The following USP34 variants were observed in gnomAD, a reference collection of about 807,000 sequenced individuals.
The protein encoded by USP34 is ubiquitin specific peptidase 34.
In USP34, 70 loss-of-function variants were observed where a neutral mutation model predicts 460.3. The observed-to-expected ratio is 0.15, with a 90% confidence interval of 0.13 to 0.19. The LOEUF is 0.19. USP34 is among the 10% of genes least tolerant of loss of function. The pLI, the probability that USP34 is intolerant of heterozygous loss-of-function variation, is 1.00. For missense variants in USP34, 3,985 were observed against 4,236.2 expected (o/e 0.94, Z 1.65); for synonymous variants, 1,647 against 1,405.3 (o/e 1.17, Z -3.85).
At chr2:61,465,414 T>C (rs1441557630) in intron 1 of USP34, among the ~76,000 whole-genome samples, 1 of 152,220 alleles carries the variant, frequency 6.6e-6, no homozygotes, top group Non-Finnish European at 1.5e-5. Flanking sequence ...CTGTTCATAA[T>C]CTGTTACTTT....
At chr2:61,373,617 C>G (rs1464901532) in intron 8 of USP34, among the ~76,000 whole-genome samples, 2 of 152,068 alleles carry the variant, frequency 1.3e-5, no homozygotes, top group Non-Finnish European at 2.9e-5. Context: ...CAAAAGAATT[C>G]CTGAAATACA....
At chr2:61,349,711 G>C (rs1691887432) in intron 12 of USP34, among the ~76,000 whole-genome samples, 1 of 151,872 alleles carries the variant, frequency 6.6e-6, no homozygotes, top group Admixed American at 6.6e-5. Context: ...CGTGGTGGCG[G>C]GCACCTGTAG....
intron 43 of USP34, among the ~76,000 whole-genome samples, chr2:61,262,178 TCTC>T (rs776563552): frequency 9.1e-5 from 13 of 142,630 alleles, no homozygotes; most frequent in East Asian, 6.1e-4. Context: ...TGTACACAGG[TCTC>T]CTTTTTTTTT....
At chr2:61,388,267 G>T (rs1026872152) in intron 5 of USP34, among the ~76,000 whole-genome samples, 1 of 151,826 alleles carries the variant, frequency 6.6e-6, no homozygotes, top group Non-Finnish European at 1.5e-5. Context: ...ATCACAATGA[G>T]CTACTACTAT....
In USP34 at chr2:61,246,485, G is replaced by T; in HGVS notation, c.6395-8C>A. The T allele has an allele frequency of 6.6e-7, 1 of 1,511,356 alleles. No individual in the cohort carries two copies. The highest frequency in any genetic ancestry group is 8.9e-7 in the Non-Finnish European group (1 of 1,124,930). 93.6% of individuals were successfully genotyped at this position (1,511,356 alleles called of 1,614,324 possible). A position where few individuals can be genotyped will look rare whatever the true frequency, so the allele number is the denominator to read the frequency against. The stretch of plus-strand genomic sequence containing the variant: ...CACTGACTTCTTTAAAACCTGAAAT[G>T]ATTTACACAGAATGGAAATAATTTT... On this transcript the variant is annotated splice_region_variant and splice_polypyrimidine_tract_variant and intron_variant, in intron 49 of 79. Coordinates refer to ENST00000398571, the MANE Select transcript of USP34 (RefSeq NM_014709.4).
At chr2:61,240,549 A>AT (rs1688223757) in intron 53 of USP34, among the ~76,000 whole-genome samples, 1 of 151,578 alleles carries the variant, frequency 6.6e-6, no homozygotes. Flanking sequence ...AAGTGCTGGG[A>AT]TTACAGGCAT....
intron 59 of USP34, 68 bp downstream of exon 59, chr2:61,229,480 A>C (rs1208709109): frequency 3.3e-5 from 26 of 780,596 alleles, no homozygotes; most frequent in East Asian, 3.2e-4. Context: ...AAAAAACAAA[A>C]AAAAAAAACA....
chr2:61,459,066 G>A (rs566268882), intron 1 of USP34, among the ~76,000 whole-genome samples: 47 of 152,104 alleles, frequency 3.1e-4, no homozygotes, highest in African/African-American at 9.6e-4. Flanking sequence ...ACTCCATCTC[G>A]GGAAAAAATA....
At position 61,470,984 on chromosome 2, in the gene USP34, G is replaced by A. The variant is rs1322101014; in HGVS notation, c.-292C>T. On this transcript the variant is annotated 5_prime_UTR_variant, in exon 1 of 80. Transcript: ENST00000398571. ...GGGAAGGACGGGGGGAGGGGAGAGG[G>A]GGGGAGGGGGCGGGTGGGGAGAGAA... 2.8e-5 allele frequency among the ~76,000 whole-genome samples: 4 copies of A among 143,290 alleles called. No homozygotes were observed. Among genetic ancestry groups the A allele is most frequent in the Non-Finnish European group, 6.3e-5 (4 of 63,884 alleles). The allele number at this position is 143,290 out of a possible 152,430, so 94.0% of individuals were successfully genotyped here. A position where few individuals can be genotyped will look rare whatever the true frequency, so the allele number is the denominator to read the frequency against.
In USP34 at chr2:61,349,243, A is replaced by T. The variant is rs1177938424; in HGVS notation, c.1543+7T>A. 1.2e-6 allele frequency: 2 copies of T among 1,611,092 alleles called. No homozygotes were observed. On this transcript the variant is annotated splice_region_variant and intron_variant, in intron 13 of 79. Transcript: ENST00000398571. ...ATGTTGCCATGAATTTCTAAGGCTC[A>T]ACTTACAAGGTGATGGAGCTGTTCT...
rs1276636242 is a variant in USP34 at position 61,215,759 on chromosome 2, A to C, written c.8048-1065T>G. The stretch of plus-strand genomic sequence containing the variant: ...AATAATAGTAATAACTATAATAAGA[A>C]TTGTGAGCCTTTACCAAATGTATAC... On this transcript the variant is annotated intron_variant, in intron 67 of 79. Coordinates refer to ENST00000398571, the MANE Select transcript of USP34 (RefSeq NM_014709.4). Among the ~76,000 whole-genome samples the C allele has an allele frequency of 1.3e-5, 2 of 152,208 alleles. 1 individual carries two copies. The highest frequency in any genetic ancestry group is 4.8e-5 in the African/African-American group (2 of 41,450).
intron 5 of USP34, among the ~76,000 whole-genome samples, chr2:61,386,615 C>A (rs1693152930): frequency 1.3e-5 from 2 of 151,864 alleles, no homozygotes; most frequent in Non-Finnish European, 2.9e-5. Context: ...ATGGTGAAAC[C>A]CCATCTATAC....
At chr2:61,470,377 T>C (rs934480795) in intron 1 of USP34, among the ~76,000 whole-genome samples, 1 of 151,898 alleles carries the variant, frequency 6.6e-6, no homozygotes, top group African/African-American at 2.4e-5. Context: ...TTGACACCTG[T>C]AATGAGGAAA....
chr2:61,233,209 A>C (rs1457781065), intron 57 of USP34, among the ~76,000 whole-genome samples: 1 of 152,080 alleles, frequency 6.6e-6, no homozygotes, highest in Non-Finnish European at 1.5e-5. Flanking sequence ...TTTCTGTTTA[A>C]AAACAAATTA....
At chr2:61,466,274 A>T (rs1695759999) in intron 1 of USP34, among the ~76,000 whole-genome samples, 1 of 151,806 alleles carries the variant, frequency 6.6e-6, no homozygotes, top group South Asian at 2.1e-4. Flanking sequence ...AAAATACAAA[A>T]ATTAGCCGGG....
intron 47 of USP34, 61 bp from the exon 48 acceptor site, chr2:61,256,539 A>G: frequency 1.5e-6 from 2 of 1,305,694 alleles, no homozygotes; most frequent in African/African-American, 1.5e-5. Context: ...AAATATACAA[A>G]AGGTGGCAAT....
rs546994286 is a variant in USP34 at position 61,384,965 on chromosome 2, C to G, written c.754-1629G>C. ...AATATAATTATATAATTAGGAAACC[C>G]AAAATAATTATCAGATAAACACTGA... On this transcript the variant is annotated intron_variant, in intron 5 of 79. Coordinates refer to ENST00000398571, the MANE Select transcript of USP34 (RefSeq NM_014709.4). Among the ~76,000 whole-genome samples the G allele has an allele frequency of 3.9e-5, 6 of 151,936 alleles. No individual in the cohort carries two copies. The East Asian group carries it at 1.2e-3, about 29-fold the overall frequency.
chr2:61,220,182 A>G (rs1572845549), intron 67 of USP34, 128 bp downstream of exon 67: 1 of 439,510 alleles, frequency 2.3e-6, no homozygotes, highest in Non-Finnish European at 3.6e-6. Context: ...AAAAAAAAAA[A>G]GGAAATAACA....
At chr2:61,432,214 C>T (rs1302590619) in intron 1 of USP34, among the ~76,000 whole-genome samples, 1 of 151,608 alleles carries the variant, frequency 6.6e-6, no homozygotes, top group Non-Finnish European at 1.5e-5. Context: ...TGACATTTTC[C>T]TGTAATCCTA....
Sources: gnomAD v4.1 joint callset for allele counts (sites outside exome capture counted in the v4.1 genomes callset) on GRCh38, gnomAD v4.1.1 for gene constraint, MANE v1.5 for transcripts, NCBI Gene and HGNC (gene_info 2026-07-23, HGNC 2026-07-21) for gene names.